Variants in ARHGAP19 observed in about 807,000 individuals in gnomAD.
The protein encoded by ARHGAP19 is rho GTPase-activating protein 19.
A neutral mutation model predicts 60.9 loss-of-function variants in ARHGAP19; 48 were observed. The ratio of observed to expected loss-of-function variants is 0.79; its 90% CI spans 0.62 to 1.00. The LOEUF (loss-of-function observed/expected upper bound fraction) is 1.00. Ranked by LOEUF, ARHGAP19 falls within the 50% of genes least tolerant of loss-of-function variation. The pLI, the probability that ARHGAP19 is intolerant of heterozygous loss-of-function variation, is 0.00. For synonymous variants in ARHGAP19, 209 were observed against 215.5 expected (o/e 0.97, Z 0.27); for missense variants, 562 against 597.2 (o/e 0.94, Z 0.61).
chr10:97,228,497 A>T (rs988828513), intron 11 of ARHGAP19, among the ~76,000 whole-genome samples: 3 of 152,240 alleles, frequency 2.0e-5, no homozygotes, highest in South Asian at 4.1e-4. Flanking sequence ...ACTTGAATTC[A>T]TAGAGAATGG....
chr10:97,227,771 C>T (rs1850925279), intron 11 of ARHGAP19, among the ~76,000 whole-genome samples: 1 of 152,156 alleles, frequency 6.6e-6, no homozygotes, highest in Non-Finnish European at 1.5e-5. Flanking sequence ...AAGATTGCAT[C>T]AACAATACCG....
intron 1 of ARHGAP19, among the ~76,000 whole-genome samples, chr10:97,290,451 G>A (rs1843216589): frequency 1.3e-5 from 2 of 152,112 alleles, no homozygotes; most frequent in African/African-American, 4.8e-5. Context: ...GTTCTCTTCC[G>A]TGACCCACAG....
Position 97,242,874 on chromosome 10 carries a change from T to C in ARHGAP19, c.1185+1094A>G, listed in dbSNP as rs1039377278. On this transcript the variant is annotated intron_variant, in intron 8 of 11. Transcript: ENST00000358531. ...CATGTTGGTCAGGCTGGCCTCGAAC[T>C]CCCGATCTCAGGTGATCCACCCGCC... 1.2e-4 allele frequency among the ~76,000 whole-genome samples: 18 copies of C among 152,250 alleles called. 1 individual carries two copies. Among genetic ancestry groups the C allele is most frequent in the African/African-American group, 4.1e-4 (17 of 41,560 alleles).
chr10:97,279,264 A>G (rs1214041035), intron 1 of ARHGAP19, among the ~76,000 whole-genome samples: 2 of 152,210 alleles, frequency 1.3e-5, no homozygotes, highest in East Asian at 3.8e-4. Flanking sequence ...TTCAACATTA[A>G]TAAGTCGTAC....
At chr10:97,270,011 A>G (rs563158543) in intron 1 of ARHGAP19, among the ~76,000 whole-genome samples, 77 of 152,262 alleles carry the variant, frequency 5.1e-4, no homozygotes, top group Admixed American at 2.4e-3. Context: ...CTTGGACATC[A>G]TCCCCAAAAC....
At chr10:97,262,641 G>C (rs1589465514) in intron 4 of ARHGAP19, among the ~76,000 whole-genome samples, 1 of 152,036 alleles carries the variant, frequency 6.6e-6, no homozygotes, top group East Asian at 1.9e-4. Flanking sequence ...CTCCAGCCTA[G>C]TGACAGAGCG....
At chr10:97,267,588 T>C (rs1330259749) in intron 1 of ARHGAP19, among the ~76,000 whole-genome samples, 3 of 152,262 alleles carry the variant, frequency 2.0e-5, no homozygotes, top group Non-Finnish European at 4.4e-5. Flanking sequence ...GCTCCAACCC[T>C]GCAGCACACC....
chr10:97,264,499 G>A (rs1181095675), intron 3 of ARHGAP19, among the ~76,000 whole-genome samples: 1 of 151,650 alleles, frequency 6.6e-6, no homozygotes, highest in Admixed American at 6.6e-5. Context: ...TAGAATTCTG[G>A]AGAAAAAAGG....
At chr10:97,243,931 C>A in intron 8 of ARHGAP19, 37 bp downstream of exon 8, 7 of 1,540,442 alleles carry the variant, frequency 4.5e-6, no homozygotes, top group Non-Finnish European at 6.2e-6. Context: ...CGATTACACT[C>A]CTAAAGCCCC....
In ARHGAP19 at chr10:97,225,579, C is replaced by T. The variant is rs1850880849; in HGVS notation, c.*543G>A. The T allele has an allele frequency of 6.6e-6, 1 of 152,124 alleles. No homozygotes were observed. The highest frequency in any genetic ancestry group is 2.4e-5 in the African/African-American group (1 of 41,368). The allele number at this position is 152,124 out of a possible 1,614,324, so 9.4% of individuals were successfully genotyped here. ...CAGCCTCATAAGATAAAGAGTTTTCCCAAAGCTCAAAGTGAAAAAGAGGGA... is the reference window on the plus strand; with the variant it reads ...CAGCCTCATAAGATAAAGAGTTTTCTCAAAGCTCAAAGTGAAAAAGAGGGA... On this transcript the variant is annotated 3_prime_UTR_variant, in exon 12 of 12. Coordinates refer to ENST00000358531, the MANE Select transcript of ARHGAP19 (RefSeq NM_032900.6).
chr10:97,238,123 A>G (rs1842411228), intron 8 of ARHGAP19, among the ~76,000 whole-genome samples: 1 of 152,206 alleles, frequency 6.6e-6, no homozygotes. Context: ...TTCTAGTGGA[A>G]TAAGATGTAG....
intron 4 of ARHGAP19, among the ~76,000 whole-genome samples, chr10:97,262,287 A>G (rs896665422): frequency 2.0e-5 from 3 of 151,742 alleles, no homozygotes; most frequent in Non-Finnish European, 4.4e-5. Flanking sequence ...TGTAGGAGAG[A>G]AGGTTTTTAC....
At chr10:97,287,245 C>G (rs577769664) in intron 1 of ARHGAP19, among the ~76,000 whole-genome samples, 1 of 152,296 alleles carries the variant, frequency 6.6e-6, no homozygotes, top group African/African-American at 2.4e-5. Flanking sequence ...GCCACCATGC[C>G]TGGCAGTGGA....
chr10:97,266,269 GA>G, intron 1 of ARHGAP19, 144 bp from the exon 2 acceptor site: 1 of 877,516 alleles, frequency 1.1e-6, no homozygotes, highest in Non-Finnish European at 1.7e-6. Flanking sequence ...AGATGCCCTT[GA>G]ACACTGTTCC....
At chr10:97,291,494 A>G (rs376411297) in intron 1 of ARHGAP19, among the ~76,000 whole-genome samples, 1 of 151,982 alleles carries the variant, frequency 6.6e-6, no homozygotes, top group African/African-American at 2.4e-5. Context: ...GGCTTTCATC[A>G]TGTTCGCCAG....
rs1055531688 is a variant in ARHGAP19 at position 97,258,615 on chromosome 10, A to G, written c.840+787T>C. On this transcript the variant is annotated intron_variant, in intron 5 of 11. Transcript: ENST00000358531. Reference sequence around the variant, plus strand: ...CTATCCTGGCTCACAACTCCATCACATAGTAAAACCATATTATAAGTGGGC... The same window carrying G: ...CTATCCTGGCTCACAACTCCATCACGTAGTAAAACCATATTATAAGTGGGC... 3.3e-5 allele frequency: 5 copies of G among 153,144 alleles called. No homozygotes were observed. In the East Asian group the frequency reaches 5.8e-4, roughly 18 times the overall value. The allele number at this position is 153,144 out of a possible 1,614,324, so 9.5% of individuals were successfully genotyped here. A position where few individuals can be genotyped will look rare whatever the true frequency, so the allele number is the denominator to read the frequency against.
intron 1 of ARHGAP19, among the ~76,000 whole-genome samples, chr10:97,279,212 C>T (rs1276578079): frequency 2.0e-5 from 3 of 152,156 alleles, no homozygotes; most frequent in African/African-American, 7.2e-5. Context: ...TAAACAGGCC[C>T]TACATGTCCA....
chr10:97,281,198 C>A (rs1163119845), intron 1 of ARHGAP19, among the ~76,000 whole-genome samples: 7 of 145,502 alleles, frequency 4.8e-5, no homozygotes, highest in African/African-American at 1.8e-4. Context: ...GTATAAGCAA[C>A]CTGACAAGAC....
chr10:97,229,702 A>C, intron 10 of ARHGAP19, 62 bp downstream of exon 10: 1 of 1,243,140 alleles, frequency 8.0e-7, no homozygotes, highest in Non-Finnish European at 1.1e-6. Context: ...ACAGTATATC[A>C]ATTTTCCTCT....
Sources: allele counts gnomAD v4.1 joint callset (sites outside exome capture counted in the v4.1 genomes callset), GRCh38; gene constraint gnomAD v4.1.1; transcripts MANE v1.5; gene names NCBI Gene and HGNC (gene_info 2026-07-23, HGNC 2026-07-21).